Variants in ATAD3A observed in about 807,000 individuals in gnomAD.
The protein encoded by ATAD3A is ATPase family AAA domain containing 3A, also known as ATPase family AAA domain-containing protein 3A.
A neutral mutation model predicts 73.8 loss-of-function variants in ATAD3A; 46 were observed. That is an observed-to-expected ratio of 0.62 (90% CI 0.49 to 0.80). The LOEUF is 0.80. Ranked by LOEUF, ATAD3A falls within the 30% of genes least tolerant of loss-of-function variation. The probability of loss-of-function intolerance (pLI) is 0.00; values close to 1 mark genes in which losing one functional copy is unlikely to be tolerated. For synonymous variants in ATAD3A, 319 were observed against 350.0 expected (o/e 0.91, Z 0.99); for missense variants, 705 against 838.0 (o/e 0.84, Z 1.96).
At chr1:1,515,982 C>CGTG (rs1641340909) in intron 1 of ATAD3A, 30 bp from the exon 2 acceptor site, 1 of 1,613,220 alleles carries the variant, frequency 6.2e-7, no homozygotes, top group Non-Finnish European at 8.5e-7. Flanking sequence ...TGTATCCTAA[C>CGTG]ACCTGCCCTC....
intron 2 of ATAD3A, among the ~76,000 whole-genome samples, chr1:1,516,795 G>A (rs535817368): frequency 1.6e-4 from 24 of 151,910 alleles, no homozygotes; most frequent in South Asian, 1.2e-3. Context: ...TCAGCTCACC[G>A]CAACCTCTAC....
rs1399648689 is a variant in ATAD3A, at chr1:1,523,974, C to A, written c.1089+10C>A. On this transcript the variant is annotated intron_variant, in intron 10 of 15. Coordinates refer to ENST00000378756, the MANE Select transcript of ATAD3A (RefSeq NM_001170535.3). The surrounding 1 kb of genome is among the most constrained non-coding windows in gnomAD (Gnocchi z 5.1). ...GACGCTGTTTGCCAAGGTGAGAGCGCCTGGCTGAACAGGTGGGCCAGGGGC... is the reference window on the plus strand; with the variant it reads ...GACGCTGTTTGCCAAGGTGAGAGCGACTGGCTGAACAGGTGGGCCAGGGGC... 2 of 1,613,724 alleles carry A rather than the reference C, an allele frequency of 1.2e-6. No homozygotes were observed. Among genetic ancestry groups the A allele is most frequent in the Non-Finnish European group, 8.5e-7 (1 of 1,179,988 alleles).
At chr1:1,526,964 G>GAA (rs1641868843) in intron 13 of ATAD3A, among the ~76,000 whole-genome samples, 1 of 152,132 alleles carries the variant, frequency 6.6e-6, no homozygotes, top group Non-Finnish European at 1.5e-5. Context: ...TGTCGGGGCG[G>GAA]AACCTGGGAC....
rs887417288 is a variant in ATAD3A at position 1,532,943 on chromosome 1, C to T, written c.1615-983C>T. 2.0e-5 allele frequency among the ~76,000 whole-genome samples: 3 copies of T among 152,046 alleles called. No homozygotes were observed. In the East Asian group the frequency reaches 5.8e-4, roughly 29 times the overall value. ...GGTCAGTGTCTCCTGCGCTCCCGGG[C>T]CCCCGACCCACAGTGGTGGTCCGGC... On this transcript the variant is annotated intron_variant, in intron 15 of 15. Coordinates refer to ENST00000378756, the MANE Select transcript of ATAD3A (RefSeq NM_001170535.3).
chr1:1,516,917 G>A (rs1351984844), intron 2 of ATAD3A, among the ~76,000 whole-genome samples: 1 of 152,018 alleles, frequency 6.6e-6, no homozygotes, highest in African/African-American at 2.4e-5. Context: ...TCACCATGTT[G>A]TTCAGGCTGG....
In ATAD3A at chr1:1,520,348, C is replaced by A; in HGVS notation, c.680+42C>A. On this transcript the variant is annotated intron_variant, in intron 6 of 15. Transcript: ENST00000378756. This position sits in a 1 kb window ranked among gnomAD's most constrained non-coding sequence, Gnocchi z 4.0. ...CCCGGGCCGGCCACAGATGGAGCCCCGCAGGTGTGAGTCGCTGGTCCCAGG... is the reference window on the plus strand; with the variant it reads ...CCCGGGCCGGCCACAGATGGAGCCCAGCAGGTGTGAGTCGCTGGTCCCAGG... The A allele has an allele frequency of 6.2e-7, 1 of 1,604,240 alleles. No individual in the cohort carries two copies. Among genetic ancestry groups the A allele is most frequent in the Non-Finnish European group, 8.5e-7 (1 of 1,172,762 alleles).
rs1401591378 is a variant in ATAD3A, at chr1:1,512,387, G to C, written c.119G>C (p.Arg40Pro). The part of the protein sequence containing the change: ...EGGGDRGLGD[R>P]PAPKDKWSNF... ...GGCGGGGACCGCGGGTTGGGAGACC[G>C]GCCGGCGCCCAAGGACAAATGGAGC... is the stretch of plus-strand genomic sequence containing the variant. Residue 40 changes from arginine to proline, a missense_variant, in exon 1 of 16, where the codon CGG becomes CCG. By Grantham distance (103) the Arg-to-Pro change is moderately radical. This residue lies in a region of ATAD3A where 125 missense variants were observed against 170.6 expected (regional missense o/e 0.73). Transcript: ENST00000378756. 5.6e-6 allele frequency: 7 copies of C among 1,240,248 alleles called. No individual in the cohort carries two copies. In the East Asian group the frequency reaches 2.3e-4, roughly 41 times the overall value. The allele number at this position is 1,240,248 out of a possible 1,614,324, so 76.8% of individuals were successfully genotyped here.
chr1:1,521,494 C>T (rs1557465567), intron 7 of ATAD3A, among the ~76,000 whole-genome samples: 15 of 152,130 alleles, frequency 9.9e-5, no homozygotes. Flanking sequence ...GCTGTGTCCT[C>T]CGTCCCCACC....
rs61777882 is a variant in ATAD3A at position 1,520,135 on chromosome 1, G to A, written c.515-6G>A. ...GGTGCTGAGCTGCCCTGCCTCTCTG[G>A]GGCAGCCACCGTGGAGCGGGAGATG... On this transcript the variant is annotated splice_polypyrimidine_tract_variant and splice_region_variant and intron_variant, in intron 5 of 15. Coordinates refer to ENST00000378756, the MANE Select transcript of ATAD3A (RefSeq NM_001170535.3). The surrounding 1 kb of genome is among the most constrained non-coding windows in gnomAD (Gnocchi z 4.0). 11 of 1,608,908 alleles carry A rather than the reference G, an allele frequency of 6.8e-6. No homozygotes were observed. In the East Asian group the frequency reaches 2.2e-4, roughly 33 times the overall value.
At chr1:1,518,673 A>G (rs1207882928) in intron 4 of ATAD3A, among the ~76,000 whole-genome samples, 2 of 64,928 alleles carry the variant, frequency 3.1e-5, no homozygotes, top group East Asian at 5.1e-4. Context: ...GGGTACACAC[A>G]CACACACACA....
intron 7 of ATAD3A, among the ~76,000 whole-genome samples, chr1:1,521,963 A>C (rs1298652660): frequency 6.6e-6 from 1 of 152,186 alleles, no homozygotes; most frequent in African/African-American, 2.4e-5. Flanking sequence ...TTCTGACCTT[A>C]AGTGATCCAG....
intron 7 of ATAD3A, among the ~76,000 whole-genome samples, chr1:1,521,650 G>C (rs545027204): frequency 6.6e-6 from 1 of 152,372 alleles, no homozygotes; most frequent in African/African-American, 2.4e-5. Context: ...CCATGTTGGT[G>C]AGACCGTGTC....
intron 1 of ATAD3A, among the ~76,000 whole-genome samples, chr1:1,513,315 A>G (rs920122393): frequency 3.3e-5 from 5 of 151,556 alleles, no homozygotes; most frequent in Non-Finnish European, 7.4e-5. Context: ...AACTTCACTT[A>G]GAGATTGAAA....
rs1385800294 is a variant in ATAD3A, at chr1:1,517,429, C to G, written c.384+17C>G. 1.1e-5 allele frequency: 16 copies of G among 1,498,760 alleles called. No homozygotes were observed. The highest frequency in any genetic ancestry group is 1.3e-5 in the Non-Finnish European group (15 of 1,122,274). 92.8% of individuals were successfully genotyped at this position (1,498,760 alleles called of 1,614,324 possible). ...CACCAGGCCGTAAGAGCGCAAGAGG[C>G]CGCGAGGGAGGCCGCCCGGCTGCGG... On this transcript the variant is annotated intron_variant, in intron 3 of 15. Coordinates refer to ENST00000378756, the MANE Select transcript of ATAD3A (RefSeq NM_001170535.3).
chr1:1,526,651 A>G (rs1641858207), intron 13 of ATAD3A, 120 bp downstream of exon 13: 1 of 1,554,450 alleles, frequency 6.4e-7, no homozygotes, highest in Non-Finnish European at 8.7e-7. Flanking sequence ...CGTGGCCTCA[A>G]CATGCCCACC....
chr1:1,531,018 A>G (rs1282272441), intron 15 of ATAD3A, among the ~76,000 whole-genome samples: 1 of 151,592 alleles, frequency 6.6e-6, no homozygotes, highest in Admixed American at 6.6e-5. Flanking sequence ...ACCCCGGCAC[A>G]TTTGTGGTGT....
chr1:1,526,951 G>C (rs947515009), intron 13 of ATAD3A, among the ~76,000 whole-genome samples: 1 of 152,168 alleles, frequency 6.6e-6, no homozygotes, highest in Non-Finnish European at 1.5e-5. Flanking sequence ...AGCAGGTCCT[G>C]TGTGTCGGGG....
chr1:1,523,018 G>T lies in ATAD3A; in HGVS notation c.906+119G>T. ...CCCTTTCCCCGGATAACGGGCACCC[G>T]CACACTGCTTCACGGGTGGGTTTTC... On this transcript the variant is annotated intron_variant, in intron 8 of 15. Coordinates refer to ENST00000378756, the MANE Select transcript of ATAD3A (RefSeq NM_001170535.3). This position sits in a 1 kb window ranked among gnomAD's most constrained non-coding sequence, Gnocchi z 5.1. 1 of 1,478,938 alleles carries T rather than the reference G, an allele frequency of 6.8e-7. No individual in the cohort carries two copies. The highest frequency in any genetic ancestry group is 2.5e-5 in the East Asian group (1 of 40,312). The allele number at this position is 1,478,938 out of a possible 1,614,324, so 91.6% of individuals were successfully genotyped here.
In ATAD3A at chr1:1,520,580, G is replaced by A. The variant is rs772764142; in HGVS notation, c.713G>A (p.Arg238His). The change falls in exon 7 of 16, where the codon CGT becomes CAT. Residue 238 changes from arginine to histidine, a missense_variant. Arg to His is a conservative substitution (Grantham distance 29). Coordinates refer to ENST00000378756, the MANE Select transcript of ATAD3A (RefSeq NM_001170535.3). The surrounding 1 kb of genome is among the most constrained non-coding windows in gnomAD (Gnocchi z 4.0). ...TAGTLFGEGF[R>H]AFVTDWDKVT... is the part of the protein sequence containing the mutation. ...GGCACCTTGTTTGGGGAAGGATTCC[G>A]TGCCTTTGTGACAGACTGGGACAAA... The A allele has an allele frequency of 1.9e-5, 30 of 1,613,712 alleles. No individual in the cohort carries two copies. The highest frequency in any genetic ancestry group is 1.7e-4 in the Middle Eastern group (1 of 5,892).
Sources: allele counts gnomAD v4.1 joint callset (sites outside exome capture counted in the v4.1 genomes callset), GRCh38; gene constraint gnomAD v4.1.1; regional missense constraint gnomAD v4.1.1; non-coding constraint Gnocchi (gnomAD v3.1); transcripts MANE v1.5; gene names NCBI Gene and HGNC (gene_info 2026-07-23, HGNC 2026-07-21).